SGK1: variants seen among roughly 807,000 people sequenced by gnomAD.
SGK1 encodes the protein serine/threonine-protein kinase Sgk1.
A neutral mutation model predicts 64.2 loss-of-function variants in SGK1; 26 were observed. The observed-to-expected ratio is 0.40, with a 90% CI of 0.30 to 0.56. The LOEUF is 0.56. SGK1 is among the 20% of genes least tolerant of loss of function. The pLI, the probability that SGK1 is intolerant of heterozygous loss-of-function variation, is 0.38. For missense variants in SGK1, 519 were observed against 645.6 expected (o/e 0.80, Z 2.12); for synonymous variants, 265 against 239.7 (o/e 1.11, Z -0.98).
At chr6:134,170,985 T>A (rs996812808) in intron 12 of SGK1, 38 bp downstream of exon 12, 4 of 1,613,426 alleles carry the variant, frequency 2.5e-6, no homozygotes, top group African/African-American at 1.3e-5. Flanking sequence ...CTAGTGCACG[T>A]CCCGGCCGGC....
intron 2 of SGK1, among the ~76,000 whole-genome samples, chr6:134,239,081 G>C (rs1776406469): frequency 6.6e-6 from 1 of 152,224 alleles, no homozygotes; most frequent in Non-Finnish European, 1.5e-5. Context: ...TACTTGGCAA[G>C]AAGAGAGCTG....
rs1283993676 is a variant in SGK1, at chr6:134,282,585, G to A, written c.70-20437C>T. Among the ~76,000 whole-genome samples, 9 of 151,340 alleles carry A rather than the reference G, an allele frequency of 5.9e-5. 1 individual carries two copies. The highest frequency in any genetic ancestry group is 2.6e-4 in the Admixed American group (4 of 15,224). ...GGAGAATCACTTGAACCTGGGAGGC[G>A]GAGGTTGCAGTGAGCTGAGATCACA... On this transcript the variant is annotated intron_variant, in intron 1 of 13. Coordinates refer to ENST00000367858, the MANE Select transcript of SGK1 (RefSeq NM_001143676.3).
chr6:134,185,902 T>C (rs1203596001), intron 3 of SGK1, among the ~76,000 whole-genome samples: 1 of 151,642 alleles, frequency 6.6e-6, no homozygotes, highest in African/African-American at 2.4e-5. Context: ...TCCAGGAGAG[T>C]GAGTGACCTA....
chr6:134,218,947 C>T (rs181370224), intron 2 of SGK1, among the ~76,000 whole-genome samples: 52 of 152,096 alleles, frequency 3.4e-4, no homozygotes, highest in African/African-American at 1.2e-3. Context: ...TACAATGGAA[C>T]ACAGCTTTTC....
chr6:134,245,070 C>G (rs1183088856), intron 2 of SGK1, among the ~76,000 whole-genome samples: 1 of 152,214 alleles, frequency 6.6e-6, no homozygotes, highest in Admixed American at 6.5e-5. Context: ...GCCACCATGC[C>G]CTGCCTTAAA....
At chr6:134,183,853 AC>A (rs1775375204) in intron 3 of SGK1, among the ~76,000 whole-genome samples, 1 of 55,256 alleles carries the variant, frequency 1.8e-5, no homozygotes, top group South Asian at 1.0e-3. Context: ...TCCCCACCCC[AC>A]CCCCACCCCC....
intron 1 of SGK1, among the ~76,000 whole-genome samples, chr6:134,301,552 T>TCTTCC (rs1562279110): frequency 1.5e-5 from 1 of 68,092 alleles, no homozygotes; most frequent in Admixed American, 1.6e-4. Flanking sequence ...TCTTCTCTTC[T>TCTTCC]CTTCTCTTCT....
At chr6:134,205,884 T>C (rs554086192) in intron 3 of SGK1, among the ~76,000 whole-genome samples, 7 of 152,218 alleles carry the variant, frequency 4.6e-5, no homozygotes, top group Non-Finnish European at 1.0e-4. Context: ...TATCACTCTC[T>C]TAATTGTTTT....
At chr6:134,215,623 G>A (rs954122597) in intron 2 of SGK1, among the ~76,000 whole-genome samples, 1 of 151,372 alleles carries the variant, frequency 6.6e-6, no homozygotes, top group African/African-American at 2.4e-5. Context: ...GCTCATGCCT[G>A]TAATCCCAGC....
intron 2 of SGK1, among the ~76,000 whole-genome samples, chr6:134,224,171 GT>G (rs1776134121): frequency 6.6e-6 from 1 of 152,202 alleles, no homozygotes; most frequent in African/African-American, 2.4e-5. Flanking sequence ...CTTTTACAAA[GT>G]TTTGGATGGC....
chr6:134,221,286 C>T (rs910268100), intron 2 of SGK1, among the ~76,000 whole-genome samples: 19 of 151,458 alleles, frequency 1.3e-4, no homozygotes, highest in Non-Finnish European at 2.8e-4. Flanking sequence ...CCTGGGTGTC[C>T]GAGTGAGACT....
At chr6:134,266,271 A>C (rs1015377622) in intron 1 of SGK1, among the ~76,000 whole-genome samples, 2 of 151,864 alleles carry the variant, frequency 1.3e-5, no homozygotes, top group African/African-American at 4.8e-5. Context: ...AGGCGTGAGC[A>C]ACTGCACCTG....
chr6:134,182,364 T>A (rs1160613823), intron 3 of SGK1, among the ~76,000 whole-genome samples: 1 of 151,682 alleles, frequency 6.6e-6, no homozygotes, highest in East Asian at 2.0e-4. Context: ...CAGGCCAACA[T>A]GGTGAAACCC....
intron 1 of SGK1, among the ~76,000 whole-genome samples, chr6:134,285,442 C>A (rs1040693047): frequency 6.8e-6 from 1 of 147,366 alleles, no homozygotes; most frequent in Non-Finnish European, 1.5e-5. Context: ...CCTGCCACTG[C>A]ACTCCAGCCT....
intron 9 of SGK1, 148 bp downstream of exon 9, chr6:134,172,514 T>TTAAGTCAAGCCAGCTCAC: frequency 1.3e-6 from 1 of 781,150 alleles, no homozygotes; most frequent in Non-Finnish European, 2.1e-6. Context: ...CCCTTGGCAC[T>TTAAGTCAAGCCAGCTCAC]TAAGTCAAGC....
chr6:134,302,034 T>G (rs1372162881), intron 1 of SGK1, among the ~76,000 whole-genome samples: 1 of 152,194 alleles, frequency 6.6e-6, no homozygotes, highest in Non-Finnish European at 1.5e-5. Context: ...ATGAGAAATA[T>G]TTTAGTGAAT....
intron 1 of SGK1, among the ~76,000 whole-genome samples, chr6:134,307,445 C>T (rs1777550345): frequency 6.6e-6 from 1 of 152,088 alleles, no homozygotes; most frequent in African/African-American, 2.4e-5. Context: ...TACAATTGTC[C>T]CTCAGTCTCT....
Position 134,174,497 on chromosome 6 carries a change from C to T in SGK1, c.437+14G>A. 1.3e-5 allele frequency: 21 copies of T among 1,599,598 alleles called. No individual in the cohort carries two copies. Among genetic ancestry groups the T allele is most frequent in the Non-Finnish European group, 1.7e-5 (20 of 1,167,030 alleles). ...AACTATACTAGTTATTTCCTCAAAT[C>T]CGGTCAAACTTACTGTTTGCATGCA... On this transcript the variant is annotated intron_variant, in intron 4 of 13. Transcript: ENST00000367858.
chr6:134,183,998 A>G (rs1046466035), intron 3 of SGK1, among the ~76,000 whole-genome samples: 17 of 151,862 alleles, frequency 1.1e-4, no homozygotes, highest in African/African-American at 3.9e-4. Flanking sequence ...AACATTCTCT[A>G]ATCAGGTCGC....
Sources: allele counts gnomAD v4.1 joint callset (sites outside exome capture counted in the v4.1 genomes callset), GRCh38; gene constraint gnomAD v4.1.1; transcripts MANE v1.5; gene names NCBI Gene and HGNC (gene_info 2026-07-23, HGNC 2026-07-21).